The following ADAMTSL1 variants were observed in gnomAD, a reference collection of about 807,000 sequenced individuals.
ADAMTSL1 encodes ADAMTS-like protein 1.
A neutral mutation model predicts 201.8 loss-of-function variants in ADAMTSL1; 126 were observed. The observed-to-expected ratio is 0.62, with a 90% confidence interval of 0.54 to 0.72. ADAMTSL1 has a LOEUF of 0.72. Among genes scored for constraint, ADAMTSL1 ranks in the 30% least tolerant of loss-of-function variants. ADAMTSL1 has a pLI of 0.00. For synonymous variants in ADAMTSL1, 1,121 were observed against 903.4 expected, an observed-to-expected ratio of 1.24 and a Z score of -4.32; for missense variants, 2,679 against 2,277.8, an observed-to-expected ratio of 1.18 and a Z score of -3.59.
At chr9:18,775,131 T>C (rs1310784402) in intron 17 of ADAMTSL1, among the ~76,000 whole-genome samples, 2 of 152,188 alleles carry the variant, frequency 1.3e-5, no homozygotes, top group Admixed American at 6.5e-5. Flanking sequence ...ATTTCCCAAA[T>C]GGACTATTTC....
At chr9:18,452,922 A>G (rs943303307) in intron 2 of ADAMTSL1, among the ~76,000 whole-genome samples, 1 of 152,214 alleles carries the variant, frequency 6.6e-6, no homozygotes, top group African/African-American at 2.4e-5. Context: ...GTAAGCTGGT[A>G]GCTCTATAGT....
In ADAMTSL1 at chr9:18,819,074, A is replaced by G. The variant is rs533447337; in HGVS notation, c.3934+1837A>G. Among the ~76,000 whole-genome samples, 7 of 152,256 alleles carry G rather than the reference A, an allele frequency of 4.6e-5. No homozygotes were observed. In the East Asian group the frequency reaches 1.4e-3, roughly 29 times the overall value. ...ACCCCTCAACACACACCTGATCACTATGGACACATGCTTTGGCGATGAAAC... is the reference window on the plus strand; with the variant it reads ...ACCCCTCAACACACACCTGATCACTGTGGACACATGCTTTGGCGATGAAAC... On this transcript the variant is annotated intron_variant, in intron 21 of 28. Transcript: ENST00000380548.
intron 2 of ADAMTSL1, among the ~76,000 whole-genome samples, chr9:18,508,413 G>C (rs1206820343): frequency 6.6e-6 from 1 of 152,134 alleles, no homozygotes; most frequent in Non-Finnish European, 1.5e-5. Flanking sequence ...CATTTTGGAT[G>C]ATTTCATTTT....
intron 2 of ADAMTSL1, among the ~76,000 whole-genome samples, chr9:18,182,870 G>T (rs1828563176): frequency 6.6e-6 from 1 of 152,134 alleles, no homozygotes; most frequent in Admixed American, 6.6e-5. Context: ...TGCACTATAT[G>T]CTGCCTCTAA....
intron 13 of ADAMTSL1, among the ~76,000 whole-genome samples, chr9:18,706,189 T>A (rs907811442): frequency 1.1e-4 from 16 of 152,208 alleles, no homozygotes; most frequent in African/African-American, 3.1e-4. Flanking sequence ...TCCTCCCCTT[T>A]TCAGACCATA....
intron 2 of ADAMTSL1, among the ~76,000 whole-genome samples, chr9:18,204,740 G>A (rs527544699): frequency 1.3e-3 from 199 of 152,052 alleles, no homozygotes; most frequent in Non-Finnish European, 2.5e-3. Context: ...TACAAGGGAG[G>A]GGAATCTATT....
intron 2 of ADAMTSL1, among the ~76,000 whole-genome samples, chr9:18,180,532 C>CAA (rs71333030): frequency 0.05 from 4,561 of 91,498 alleles, 286 homozygotes; most frequent in Admixed American, 0.082. Flanking sequence ...GACTCCGTGT[C>CAA]AAAAAAAAAA....
intron 7 of ADAMTSL1, among the ~76,000 whole-genome samples, chr9:18,646,488 C>T (rs76526155): frequency 0.16 from 24,322 of 149,172 alleles, 2,187 homozygotes; most frequent in Middle Eastern, 0.23. Flanking sequence ...GGGAATGCTC[C>T]CAGTTTTTGC....
chr9:18,164,154 C>G (rs1827530102), intron 2 of ADAMTSL1, among the ~76,000 whole-genome samples: 1 of 151,850 alleles, frequency 6.6e-6, no homozygotes, highest in African/African-American at 2.4e-5. Context: ...TATAGGGCAA[C>G]TTTCTGACTT....
chr9:18,683,249 G>A (rs1367959510), intron 12 of ADAMTSL1, among the ~76,000 whole-genome samples: 1 of 143,010 alleles, frequency 7.0e-6, no homozygotes, highest in Non-Finnish European at 1.5e-5. Flanking sequence ...TTTTGAGACG[G>A]AGTCTCACTC....
intron 13 of ADAMTSL1, among the ~76,000 whole-genome samples, chr9:18,704,916 C>T (rs1181454671): frequency 3.9e-5 from 6 of 152,156 alleles, no homozygotes; most frequent in South Asian, 2.1e-4. Flanking sequence ...ATATGGGGAC[C>T]TTTGTTCTCT....
chr9:18,315,198 G>A (rs115033259), intron 2 of ADAMTSL1, among the ~76,000 whole-genome samples: 3,173 of 152,180 alleles, frequency 0.021, 65 homozygotes, highest in African/African-American at 0.058. Context: ...AGTGCTGATT[G>A]GAGCATTGAC....
rs921664234 is a variant in ADAMTSL1, at chr9:18,080,029, G to A, written c.88-83833G>A. Among the ~76,000 whole-genome samples, 6 of 152,330 alleles carry A rather than the reference G, an allele frequency of 3.9e-5. No individual in the cohort carries two copies. The South Asian group carries it at 1.0e-3, about 26-fold the overall frequency. On this transcript the variant is annotated intron_variant, in intron 1 of 29. Transcript: ENST00000680146. ...GGAAATGGTGGTTAGACTAGATTGT[G>A]TACTGATGATGACAAGGGTCCAAGT... is the stretch of plus-strand genomic sequence containing the variant.
chr9:18,513,056 A>G (rs546205971), intron 2 of ADAMTSL1, among the ~76,000 whole-genome samples: 1 of 152,174 alleles, frequency 6.6e-6, no homozygotes, highest in African/African-American at 2.4e-5. Flanking sequence ...TCAGACTTAG[A>G]CCTAGACTGA....
At chr9:18,553,728 A>G (rs1820935656) in intron 3 of ADAMTSL1, among the ~76,000 whole-genome samples, 2 of 151,850 alleles carry the variant, frequency 1.3e-5, no homozygotes, top group African/African-American at 4.8e-5. Context: ...TCTTGTCTCA[A>G]CACTTCAAAG....
At chr9:18,162,747 G>C (rs895381038) in intron 1 of ADAMTSL1, among the ~76,000 whole-genome samples, 3 of 151,786 alleles carry the variant, frequency 2.0e-5, no homozygotes, top group African/African-American at 7.3e-5. Context: ...CCATAAAAAG[G>C]TATAAAATGC....
At chr9:18,291,774 C>CACACAT (rs749962889) in intron 2 of ADAMTSL1, among the ~76,000 whole-genome samples, 13,367 of 142,938 alleles carry the variant, frequency 0.094, 1,049 homozygotes, top group Admixed American at 0.25. Flanking sequence ...CACACACACA[C>CACACAT]ACACATCCCT....
At chr9:18,021,614 A>C (rs1376597036) in intron 1 of ADAMTSL1, among the ~76,000 whole-genome samples, 4 of 152,174 alleles carry the variant, frequency 2.6e-5, no homozygotes, top group African/African-American at 9.6e-5. Flanking sequence ...ATTATTAGTA[A>C]GGTCTAATAA....
chr9:18,610,079 A>G (rs965840268), intron 4 of ADAMTSL1, among the ~76,000 whole-genome samples: 1 of 152,098 alleles, frequency 6.6e-6, no homozygotes. Context: ...AGAAGTGGCC[A>G]GGGAAGTGAA....
Sources: allele counts gnomAD v4.1 joint callset (sites outside exome capture counted in the v4.1 genomes callset), GRCh38; gene constraint gnomAD v4.1.1; transcripts MANE v1.5; gene names NCBI Gene and HGNC (gene_info 2026-07-23, HGNC 2026-07-21).